The following MED13 variants were observed in gnomAD, a reference collection of about 807,000 sequenced individuals.
MED13 encodes the protein mediator of RNA polymerase II transcription subunit 13.
In MED13, 23 loss-of-function variants were observed where a neutral mutation model predicts 225.2. That is an observed-to-expected ratio of 0.10 (90% CI 0.07 to 0.14). The LOEUF is 0.14. Ranked by LOEUF, MED13 falls within the 10% of genes least tolerant of loss-of-function variation. MED13 has a pLI of 1.00. For missense variants in MED13, 2,197 were observed against 2,594.5 expected (o/e 0.85, Z 3.33); for synonymous variants, 942 against 889.2 (o/e 1.06, Z -1.06).
intron 9 of MED13, among the ~76,000 whole-genome samples, chr17:62,008,276 C>T (rs1437018053): frequency 7.6e-6 from 1 of 131,538 alleles, no homozygotes; most frequent in Non-Finnish European, 1.5e-5. Flanking sequence ...AGGGATCGCG[C>T]AACTGTACTC....
intron 29 of MED13, 96 bp from the exon 30 acceptor site, chr17:61,946,696 T>C: frequency 6.9e-7 from 1 of 1,455,558 alleles, no homozygotes; most frequent in Non-Finnish European, 9.4e-7. Flanking sequence ...CAAAGTCACC[T>C]TAAAAAAGAG....
intron 3 of MED13, among the ~76,000 whole-genome samples, chr17:62,037,296 G>A (rs909846091): frequency 4.6e-5 from 7 of 151,746 alleles, no homozygotes; most frequent in African/African-American, 1.7e-4. Context: ...AAAAATTAAT[G>A]TAACTGACAG....
chr17:61,952,446 TA>T (rs34588053), intron 27 of MED13, among the ~76,000 whole-genome samples: 1 of 152,024 alleles, frequency 6.6e-6, no homozygotes, highest in Admixed American at 6.5e-5. Context: ...TACATCTGAG[TA>T]AAAAGCTATG....
intron 8 of MED13, among the ~76,000 whole-genome samples, chr17:62,024,121 G>A (rs1603404269): frequency 6.6e-6 from 1 of 152,086 alleles, no homozygotes. Flanking sequence ...GGGTTCAAGC[G>A]ATTCTCCTGC....
chr17:61,955,372 A>C lies in MED13; in HGVS notation c.5968+10T>G. On this transcript the variant is annotated intron_variant, in intron 26 of 29. Coordinates refer to ENST00000397786, the MANE Select transcript of MED13 (RefSeq NM_005121.3). ...TTCTTCAGACTACCAAAATGGAACA[A>C]ATTACGTACCATTGTTGGGATTGAA... 6.6e-7 allele frequency: 1 copy of C among 1,510,230 alleles called. No individual in the cohort carries two copies. The highest frequency in any genetic ancestry group is 1.4e-5 in the South Asian group (1 of 73,712). 93.6% of individuals were successfully genotyped at this position (1,510,230 alleles called of 1,614,324 possible).
intron 5 of MED13, 127 bp from the exon 6 acceptor site, chr17:62,031,765 T>A (rs764611813): frequency 5.9e-6 from 3 of 509,318 alleles, no homozygotes; most frequent in Non-Finnish European, 9.3e-6. Flanking sequence ...TTTTTATAAA[T>A]ATAAGCTTCT....
Position 61,972,741 on chromosome 17 carries a change from C to G in MED13, c.3953G>C (p.Gly1318Ala). The G allele has an allele frequency of 6.2e-7, 1 of 1,610,726 alleles. No individual in the cohort carries two copies. The highest frequency in any genetic ancestry group is 8.5e-7 in the Non-Finnish European group (1 of 1,179,126). Residue 1318 changes from glycine to alanine, a missense_variant, in exon 17 of 30, where the codon GGC becomes GCC. This residue lies in a region of MED13 where 47 missense variants were observed against 93.8 expected (regional missense o/e 0.50). Coordinates refer to ENST00000397786, the MANE Select transcript of MED13 (RefSeq NM_005121.3). Reference sequence around the variant, plus strand: ...AAATTACTTACCATAAGAGCCTCGGCCAGCCATTTTATGAAATTGTTGCCA... The same window carrying G: ...AAATTACTTACCATAAGAGCCTCGGGCAGCCATTTTATGAAATTGTTGCCA... Reference protein sequence around the residue: ...LTWQQFHKMAGRGSYGTDESP... With the variant: ...LTWQQFHKMAARGSYGTDESP...
At chr17:62,003,898 T>G (rs1009175868) in intron 9 of MED13, 2 of 152,142 alleles carry the variant, frequency 1.3e-5, no homozygotes, top group Admixed American at 6.6e-5. Context: ...GTCAAATAAT[T>G]TTAGAACAGA....
At chr17:62,015,944 A>ATATT (rs1567979855) in intron 8 of MED13, among the ~76,000 whole-genome samples, 1 of 12,714 alleles carries the variant, frequency 7.9e-5, no homozygotes, top group Non-Finnish European at 1.5e-4. Context: ...ATATATATAT[A>ATATT]TATATATATA....
chr17:62,042,367 T>C (rs1390027519), intron 3 of MED13, among the ~76,000 whole-genome samples: 2 of 151,924 alleles, frequency 1.3e-5, no homozygotes, highest in African/African-American at 2.4e-5. Context: ...ATCAAGACCA[T>C]CCTGGCTAAC....
intron 23 of MED13, 88 bp downstream of exon 23, chr17:61,960,779 A>T: frequency 1.1e-6 from 1 of 949,518 alleles, no homozygotes; most frequent in Non-Finnish European, 1.5e-6. Context: ...AATATATATA[A>T]AACCTTCAAA....
In MED13 at chr17:61,991,826, A is replaced by T. The variant is rs190570896; in HGVS notation, c.2263+714T>A. Among the ~76,000 whole-genome samples the T allele has an allele frequency of 4.5e-3, 679 of 151,936 alleles. 4 individuals carry two copies. Among genetic ancestry groups the T allele is most frequent in the African/African-American group, 0.016 (645 of 41,454 alleles). On this transcript the variant is annotated intron_variant, in intron 11 of 29. Transcript: ENST00000397786. ...CCCGGCCTAATTTTTGTATTTTTTT[A>T]GTAGGGATGGTGTTTCACCATGTTG...
rs554150641 is a variant in MED13, at chr17:61,988,573, G to C, written c.2264-1445C>G. Among the ~76,000 whole-genome samples the C allele has an allele frequency of 1.6e-4, 24 of 152,230 alleles. No individual in the cohort carries two copies. The South Asian group carries it at 5.0e-3, about 32-fold the overall frequency. On this transcript the variant is annotated intron_variant, in intron 11 of 29. Transcript: ENST00000397786. Reference sequence around the variant, plus strand: ...GATACTTACTAAAAACCAAGATTTTGAAGCTCCACCTTGGAGATACTCCAG... The same window carrying C: ...GATACTTACTAAAAACCAAGATTTTCAAGCTCCACCTTGGAGATACTCCAG...
At position 61,972,734 on chromosome 17, in the gene MED13, G is replaced by C. The variant is rs770044484; in HGVS notation, c.3960C>G (p.Gly1320=). ...WQQFHKMAGR[G]SYGTDESPEP... ...TCACTATAAATTACTTACCATAAGA[G>C]CCTCGGCCAGCCATTTTATGAAATT... is the stretch of plus-strand genomic sequence containing the variant. Residue 1320 remains glycine (G), a synonymous_variant, in exon 17 of 30, where the codon GGC becomes GGG. Coordinates refer to ENST00000397786, the MANE Select transcript of MED13 (RefSeq NM_005121.3). The C allele has an allele frequency of 1.2e-6, 2 of 1,610,382 alleles. No homozygotes were observed. The highest frequency in any genetic ancestry group is 2.2e-5 in the South Asian group (2 of 90,276).
intron 3 of MED13, among the ~76,000 whole-genome samples, chr17:62,042,486 T>C (rs905910966): frequency 4.5e-5 from 6 of 134,416 alleles, no homozygotes; most frequent in Non-Finnish European, 9.1e-5. Context: ...CGCTTGAACC[T>C]GGGAGGTGGC....
intron 3 of MED13, among the ~76,000 whole-genome samples, chr17:62,037,378 A>G (rs1306841722): frequency 6.6e-6 from 1 of 152,136 alleles, no homozygotes; most frequent in East Asian, 1.9e-4. Flanking sequence ...GAAAGCAGTG[A>G]CAATGGCTGG....
intron 1 of MED13, among the ~76,000 whole-genome samples, chr17:62,063,852 T>G (rs976782438): frequency 6.6e-6 from 1 of 152,224 alleles, no homozygotes; most frequent in Non-Finnish European, 1.5e-5. Context: ...TTCAAAGAAC[T>G]GATCCTAAAA....
chr17:62,055,326 G>A (rs2080987988), intron 2 of MED13, among the ~76,000 whole-genome samples: 1 of 151,832 alleles, frequency 6.6e-6, no homozygotes. Context: ...AGAGATGGGA[G>A]TTGCAGTGAG....
chr17:61,974,990 T>C (rs1346295447), intron 16 of MED13, among the ~76,000 whole-genome samples: 1 of 152,008 alleles, frequency 6.6e-6, no homozygotes, highest in Non-Finnish European at 1.5e-5. Context: ...TCACATCCTA[T>C]GGAGATATGA....
Sources: allele counts gnomAD v4.1 joint callset (sites outside exome capture counted in the v4.1 genomes callset), GRCh38; gene constraint gnomAD v4.1.1; regional missense constraint gnomAD v4.1.1; transcripts MANE v1.5; gene names NCBI Gene and HGNC (gene_info 2026-07-23, HGNC 2026-07-21).